The following TGFBR3 variants were observed in gnomAD, a reference collection of about 807,000 sequenced individuals.
TGFBR3 encodes the protein transforming growth factor beta receptor type 3.
A neutral mutation model predicts 87.9 loss-of-function variants in TGFBR3; 46 were observed. That is an observed-to-expected ratio of 0.52 (90% CI 0.41 to 0.67). The LOEUF is 0.67. Among genes scored for constraint, TGFBR3 ranks in the 30% least tolerant of loss-of-function variants. The pLI is 0.00. For synonymous variants in TGFBR3, 381 were observed against 391.6 expected, an observed-to-expected ratio of 0.97 and a Z score of 0.32; for missense variants, 866 against 1,041.9, an observed-to-expected ratio of 0.83 and a Z score of 2.32.
chr1:91,845,673 G>A (rs896378292), intron 2 of TGFBR3, among the ~76,000 whole-genome samples: 2 of 152,126 alleles, frequency 1.3e-5, no homozygotes, highest in African/African-American at 4.8e-5. Context: ...CCTGCATGTA[G>A]TATACCCTGA....
chr1:91,878,676 C>A (rs1447036129), intron 1 of TGFBR3, among the ~76,000 whole-genome samples: 1 of 152,158 alleles, frequency 6.6e-6, no homozygotes, highest in Non-Finnish European at 1.5e-5. Context: ...CTGTAAAGAT[C>A]ATTTTCTAAA....
intron 1 of TGFBR3, among the ~76,000 whole-genome samples, chr1:91,884,635 G>C (rs531580204): frequency 6.6e-6 from 1 of 152,286 alleles, no homozygotes; most frequent in African/African-American, 2.4e-5. Flanking sequence ...TATGATCTTG[G>C]ACAAGTAACT....
chr1:91,729,248 C>A (rs1672672050), intron 6 of TGFBR3, among the ~76,000 whole-genome samples: 1 of 141,688 alleles, frequency 7.1e-6, no homozygotes. Flanking sequence ...TGGTATGGCA[C>A]CATGAAGAGC....
chr1:91,776,776 T>C (rs11165474), intron 3 of TGFBR3, among the ~76,000 whole-genome samples: 20,335 of 152,108 alleles, frequency 0.13, 1,684 homozygotes, highest in East Asian at 0.25. Context: ...GGTTGTTCTG[T>C]CATTTGTCTG....
At chr1:91,739,640 C>T (rs17513917) in intron 4 of TGFBR3, among the ~76,000 whole-genome samples, 48,581 of 152,036 alleles carry the variant, frequency 0.32, 7,821 homozygotes, top group Middle Eastern at 0.37. Flanking sequence ...TACCAAGGGA[C>T]CTCACAGAAC....
At chr1:91,774,109 A>AT (rs1173250225) in intron 3 of TGFBR3, among the ~76,000 whole-genome samples, 2 of 151,994 alleles carry the variant, frequency 1.3e-5, no homozygotes, top group Non-Finnish European at 2.9e-5. Context: ...AAACAAGTTA[A>AT]TATACTTGGT....
At chr1:91,708,366 A>G (rs1484304859) in intron 14 of TGFBR3, among the ~76,000 whole-genome samples, 1 of 152,086 alleles carries the variant, frequency 6.6e-6, no homozygotes, top group Non-Finnish European at 1.5e-5. Context: ...CCTTTTTTGC[A>G]TACTCAAGGA....
chr1:91,784,322 G>A (rs1337860969), intron 3 of TGFBR3, among the ~76,000 whole-genome samples: 2 of 152,084 alleles, frequency 1.3e-5, no homozygotes, highest in African/African-American at 2.4e-5. Flanking sequence ...TATGCAAAAG[G>A]AAAGTCATTT....
chr1:91,708,249 G>C (rs1037324379), intron 14 of TGFBR3, among the ~76,000 whole-genome samples: 4 of 152,166 alleles, frequency 2.6e-5, no homozygotes, highest in African/African-American at 7.2e-5. Flanking sequence ...TTGCAATTTT[G>C]ATAAAGCAAT....
At chr1:91,784,908 C>G (rs527796634) in intron 3 of TGFBR3, among the ~76,000 whole-genome samples, 1 of 152,204 alleles carries the variant, frequency 6.6e-6, no homozygotes, top group African/African-American at 2.4e-5. Flanking sequence ...TCCTCTATTA[C>G]AGGAATTGCC....
At chr1:91,705,863 A>T (rs3754014) in intron 14 of TGFBR3, among the ~76,000 whole-genome samples, 31,552 of 152,234 alleles carry the variant, frequency 0.21, 3,583 homozygotes, top group Middle Eastern at 0.3. Context: ...GATATTTGGT[A>T]AAACTTTCCT....
At chr1:91,710,060 A>G (rs1466825692) in intron 13 of TGFBR3, among the ~76,000 whole-genome samples, 1 of 152,238 alleles carries the variant, frequency 6.6e-6, no homozygotes, top group Non-Finnish European at 1.5e-5. Flanking sequence ...TAATAGGTAT[A>G]ACTCTAAAGT....
At chr1:91,884,558 C>T (rs527889749) in intron 1 of TGFBR3, among the ~76,000 whole-genome samples, 1 of 152,176 alleles carries the variant, frequency 6.6e-6, no homozygotes, top group Non-Finnish European at 1.5e-5. Context: ...CACAAATCGG[C>T]CTGCACTTGC....
chr1:91,681,745 T>C lies in TGFBR3; in HGVS notation c.*1994A>G, dbSNP rs552935952. The C allele has an allele frequency of 6.8e-6, 3 of 439,598 alleles. No homozygotes were observed. Among genetic ancestry groups the C allele is most frequent in the Admixed American group, 2.6e-5 (1 of 39,078 alleles). 27.2% of individuals were successfully genotyped at this position (439,598 alleles called of 1,614,324 possible). On this transcript the variant is annotated 3_prime_UTR_variant, in exon 17 of 17. Transcript: ENST00000212355. Reference sequence around the variant, plus strand: ...TTTTGTAGTAAAATATAGCTATAAGTGACTTAAAGACTCTAGTCTTCTTTG... The same window carrying C: ...TTTTGTAGTAAAATATAGCTATAAGCGACTTAAAGACTCTAGTCTTCTTTG...
intron 15 of TGFBR3, among the ~76,000 whole-genome samples, chr1:91,697,814 A>C (rs1380451685): frequency 2.0e-5 from 3 of 152,258 alleles, no homozygotes; most frequent in Non-Finnish European, 4.4e-5. Context: ...CTCTCTAAAT[A>C]AGTTACTACC....
chr1:91,704,114 G>A (rs999548891), intron 14 of TGFBR3, among the ~76,000 whole-genome samples: 10 of 152,098 alleles, frequency 6.6e-5, no homozygotes, highest in African/African-American at 2.4e-4. Flanking sequence ...GATCATCTCA[G>A]GTCAGGAGTT....
At chr1:91,704,824 G>A (rs1159608229) in intron 14 of TGFBR3, among the ~76,000 whole-genome samples, 1 of 152,152 alleles carries the variant, frequency 6.6e-6, no homozygotes, top group East Asian at 1.9e-4. Context: ...GCCCAGAGGA[G>A]GAATCCAGAA....
chr1:91,696,412 C>T (rs1288568379), intron 15 of TGFBR3, among the ~76,000 whole-genome samples: 3 of 152,196 alleles, frequency 2.0e-5, no homozygotes, highest in Non-Finnish European at 4.4e-5. Context: ...AAACAACCTA[C>T]TTTTTAACAC....
At chr1:91,687,704 G>A (rs753333259) in intron 16 of TGFBR3, among the ~76,000 whole-genome samples, 3 of 152,130 alleles carry the variant, frequency 2.0e-5, no homozygotes, top group Admixed American at 6.5e-5. Flanking sequence ...CAGAACATGA[G>A]GAAATGAGTT....
Sources: allele counts gnomAD v4.1 joint callset (sites outside exome capture counted in the v4.1 genomes callset), GRCh38; gene constraint gnomAD v4.1.1; transcripts MANE v1.5; gene names NCBI Gene and HGNC (gene_info 2026-07-23, HGNC 2026-07-21).